The following CIMIP6 variants were observed in gnomAD, a reference collection of about 807,000 sequenced individuals.
The protein encoded by CIMIP6 is ciliary microtubule inner protein 6.
the CIMIP6 span, among the ~76,000 whole-genome samples, chr2:54,350,388 C>T: frequency 6.6e-6 from 1 of 152,202 alleles, no homozygotes; most frequent in Non-Finnish European, 1.5e-5. Context: ...GTGATGGTCA[C>T]TTGTGTGGCC....
the CIMIP6 span, among the ~76,000 whole-genome samples, chr2:54,378,077 A>G: frequency 1.3e-5 from 2 of 152,224 alleles, no homozygotes; most frequent in Non-Finnish European, 2.9e-5. Flanking sequence ...AGCCGGGAGC[A>G]TCAGGACACA....
At chr2:54,372,206 G>A in the CIMIP6 span, among the ~76,000 whole-genome samples, 11 of 152,116 alleles carry the variant, frequency 7.2e-5, no homozygotes, top group African/African-American at 2.4e-4. Context: ...CAGTGGAGCC[G>A]ATCTTCAAGC....
chr2:54,377,160 A>G, the CIMIP6 span, among the ~76,000 whole-genome samples: 11 of 152,212 alleles, frequency 7.2e-5, no homozygotes, highest in East Asian at 1.5e-3. Flanking sequence ...CATACTCTCC[A>G]TGGTGTGCTG....
chr2:54,371,456 C>T, the CIMIP6 span, among the ~76,000 whole-genome samples: 23 of 152,280 alleles, frequency 1.5e-4, no homozygotes, highest in South Asian at 6.2e-4. Context: ...TGTTCTGGTG[C>T]GGTCCCAAGG....
At chr2:54,376,041 TG>T in the CIMIP6 span, among the ~76,000 whole-genome samples, 803 of 152,314 alleles carry the variant, frequency 5.3e-3, 7 homozygotes, top group Non-Finnish European at 9.4e-3. Context: ...TTAACATTTT[TG>T]GTTTTGTTCT....
At chr2:54,378,558 A>G in the CIMIP6 span, among the ~76,000 whole-genome samples, 36,426 of 152,168 alleles carry the variant, frequency 0.24, 4,840 homozygotes, top group East Asian at 0.49. Flanking sequence ...TTACCAAAAT[A>G]TTGTCTAGAA....
At chr2:54,381,035 T>C in the CIMIP6 span, among the ~76,000 whole-genome samples, 1 of 152,298 alleles carries the variant, frequency 6.6e-6, no homozygotes, top group African/African-American at 2.4e-5. Flanking sequence ...CAAAGTCTAT[T>C]GTATTAATTA....
chr2:54,359,195 G>C, the CIMIP6 span: 5 of 659,210 alleles, frequency 7.6e-6, no homozygotes, highest in Non-Finnish European at 1.3e-5. Context: ...GTTATTAATA[G>C]GATAGAATGT....
chr2:54,359,737 T>C, the CIMIP6 span, among the ~76,000 whole-genome samples: 284 of 152,258 alleles, frequency 1.9e-3, no homozygotes, highest in African/African-American at 6.3e-3. Flanking sequence ...TTGTCAATTA[T>C]TGGATTTTTT....
At chr2:54,347,571 A>G in the CIMIP6 span, among the ~76,000 whole-genome samples, 1 of 152,158 alleles carries the variant, frequency 6.6e-6, no homozygotes, top group Non-Finnish European at 1.5e-5. Context: ...GATGTAGAAG[A>G]GTGGTGAAAG....
At chr2:54,364,665 T>C in the CIMIP6 span, among the ~76,000 whole-genome samples, 2 of 152,114 alleles carry the variant, frequency 1.3e-5, no homozygotes, top group African/African-American at 4.8e-5. Context: ...TGCTGGCCCA[T>C]AACAAATGAA....
chr2:54,372,135 A>G, the CIMIP6 span, among the ~76,000 whole-genome samples: 16,994 of 152,170 alleles, frequency 0.11, 976 homozygotes, highest in Middle Eastern at 0.15. Context: ...GACAGCAGAT[A>G]AAGAATGTGG....
chr2:54,366,418 G>T, the CIMIP6 span, among the ~76,000 whole-genome samples: 1 of 152,160 alleles, frequency 6.6e-6, no homozygotes, highest in Admixed American at 6.5e-5. Flanking sequence ...AAACTACTCT[G>T]ATTTAGGATT....
the CIMIP6 span, among the ~76,000 whole-genome samples, chr2:54,376,581 A>G: frequency 1.3e-5 from 2 of 152,150 alleles, no homozygotes; most frequent in Non-Finnish European, 1.5e-5. Flanking sequence ...TTTCCAGGCA[A>G]TTATTCCCAT....
At chr2:54,381,742 C>T in the CIMIP6 span, 2 of 1,397,692 alleles carry the variant, frequency 1.4e-6, no homozygotes, top group Non-Finnish European at 9.3e-7. Flanking sequence ...AATGACTTTT[C>T]CATCATGGGC....
the CIMIP6 span, among the ~76,000 whole-genome samples, chr2:54,352,599 A>G: frequency 5.3e-5 from 8 of 152,188 alleles, no homozygotes; most frequent in African/African-American, 1.9e-4. Context: ...TCAAGAGTAC[A>G]ATACATTAAC....
At chr2:54,336,532 T>C in the CIMIP6 span, among the ~76,000 whole-genome samples, 1 of 152,242 alleles carries the variant, frequency 6.6e-6, no homozygotes, top group African/African-American at 2.4e-5. Context: ...TCTCATAGGG[T>C]TTTTATGAGA....
the CIMIP6 span, among the ~76,000 whole-genome samples, chr2:54,337,488 T>C: frequency 6.6e-6 from 1 of 152,224 alleles, no homozygotes; most frequent in African/African-American, 2.4e-5. Context: ...GTTCTTACAT[T>C]TCTTACAAAG....
chr2:54,333,750 G>A, the CIMIP6 span, among the ~76,000 whole-genome samples: 2 of 151,932 alleles, frequency 1.3e-5, no homozygotes, highest in African/African-American at 2.4e-5. Context: ...AAAATTAGCC[G>A]GGCGTGGTGG....
Sources: gnomAD v4.1 joint callset for allele counts (sites outside exome capture counted in the v4.1 genomes callset) on GRCh38, gnomAD v4.1.1 for gene constraint, MANE v1.5 for transcripts, NCBI Gene and HGNC (gene_info 2026-07-23, HGNC 2026-07-21) for gene names.